COPS4: variants seen among roughly 807,000 people sequenced by gnomAD.
The protein encoded by COPS4 is COP9 signalosome subunit 4.
Under a neutral mutation model 55.1 loss-of-function variants are expected in COPS4, and 8 were observed. The ratio of observed to expected loss-of-function variants is 0.15; its 90% CI spans 0.09 to 0.26. COPS4 has a LOEUF of 0.26. Among genes scored for constraint, COPS4 ranks in the 10% least tolerant of loss-of-function variants. COPS4 has a pLI of 1.00. For synonymous variants in COPS4, 185 were observed against 165.7 expected, an observed-to-expected ratio of 1.12 and a Z score of -0.90; for missense variants, 248 against 484.0, an observed-to-expected ratio of 0.51 and a Z score of 4.58.
intron 4 of COPS4, 88 bp downstream of exon 4, chr4:83,050,072 A>G: frequency 1.3e-6 from 1 of 746,632 alleles, no homozygotes; most frequent in East Asian, 2.8e-5. Flanking sequence ...AGTACAGGAA[A>G]CAGATAAACA....
chr4:83,075,327 A>G lies in COPS4; in HGVS notation c.1118A>G (p.Gln373Arg). 1 of 1,614,118 alleles carries G rather than the reference A, an allele frequency of 6.2e-7. No individual in the cohort carries two copies. Among genetic ancestry groups the G allele is most frequent in the Non-Finnish European group, 8.5e-7 (1 of 1,180,014 alleles). ...GAAGCCCTGCCAACGTGGGATAAGC[A>G]GATCCAATCACTTTGTTTCCAAGTG... The part of the protein sequence containing the change: ...TREALPTWDK[Q>R]IQSLCFQVNN... The change falls in exon 10 of 10, where the codon CAG becomes CGG. Residue 373 changes from glutamine (Q) to arginine (R), a missense_variant. Around this residue, in one of 4 missense-constraint regions of COPS4, gnomAD observed 38 missense variants for 77.9 expected, o/e 0.49. Coordinates refer to ENST00000264389, the MANE Select transcript of COPS4 (RefSeq NM_016129.3).
At chr4:83,070,727 G>C (rs183127701) in intron 9 of COPS4, among the ~76,000 whole-genome samples, 1 of 151,996 alleles carries the variant, frequency 6.6e-6, no homozygotes, top group African/African-American at 2.4e-5. Flanking sequence ...CTCCTTTCTA[G>C]TTCAGTTCCC....
chr4:83,059,087 T>C (rs1397644816), intron 6 of COPS4, among the ~76,000 whole-genome samples: 1 of 152,220 alleles, frequency 6.6e-6, no homozygotes, highest in African/African-American at 2.4e-5. Flanking sequence ...ATTTCTTTAT[T>C]GAGTGAATTA....
intron 1 of COPS4, among the ~76,000 whole-genome samples, chr4:83,038,183 C>T (rs1215862978): frequency 2.6e-5 from 4 of 152,148 alleles, no homozygotes; most frequent in Non-Finnish European, 2.9e-5. Context: ...CTTTGTTGTC[C>T]CAAACACAAC....
At chr4:83,044,925 A>G (rs1730667614) in intron 1 of COPS4, among the ~76,000 whole-genome samples, 1 of 152,268 alleles carries the variant, frequency 6.6e-6, no homozygotes, top group African/African-American at 2.4e-5. Flanking sequence ...AGCAGAGAAC[A>G]AAACACAAGA....
chr4:83,041,105 C>T (rs1269567655), intron 1 of COPS4, among the ~76,000 whole-genome samples: 1 of 150,466 alleles, frequency 6.6e-6, no homozygotes, highest in Non-Finnish European at 1.5e-5. Context: ...CTCTGTCGCC[C>T]AGGCTGGAGT....
At chr4:83,043,226 CTTAGG>C (rs985667101) in intron 1 of COPS4, among the ~76,000 whole-genome samples, 2 of 151,788 alleles carry the variant, frequency 1.3e-5, no homozygotes, top group Non-Finnish European at 2.9e-5. Flanking sequence ...TGTGTTAAAA[CTTAGG>C]TTAGGCCAGG....
intron 7 of COPS4, among the ~76,000 whole-genome samples, chr4:83,063,457 T>G (rs1371277477): frequency 7.2e-6 from 1 of 138,378 alleles, no homozygotes; most frequent in African/African-American, 2.8e-5. Context: ...TGGAGTGCAG[T>G]GGCACAATGG....
At chr4:83,073,901 G>A (rs1578725290) in intron 9 of COPS4, among the ~76,000 whole-genome samples, 1 of 150,992 alleles carries the variant, frequency 6.6e-6, no homozygotes, top group Admixed American at 6.6e-5. Flanking sequence ...AGGTTGCAGT[G>A]AGCTGATATC....
intron 3 of COPS4, 136 bp downstream of exon 3, chr4:83,049,453 GA>G: frequency 2.9e-6 from 2 of 698,092 alleles, no homozygotes; most frequent in Non-Finnish European, 4.4e-6. Context: ...GACATTTTAT[GA>G]TGCAAAATCA....
chr4:83,073,282 A>G lies in COPS4; in HGVS notation c.1088-2015A>G, dbSNP rs1281226640. The stretch of plus-strand genomic sequence containing the variant: ...TAGTTCATATAAATGGAATCATACA[A>G]TATGTGACATGTGACCTTTTGGCTG... On this transcript the variant is annotated intron_variant, in intron 9 of 9. Transcript: ENST00000264389. 1.0e-5 allele frequency: 7 copies of G among 699,798 alleles called. No homozygotes were observed. In the African/African-American group the frequency reaches 1.0e-4, roughly 10 times the overall value. The allele number at this position is 699,798 out of a possible 1,614,324, so 43.3% of individuals were successfully genotyped here.
chr4:83,041,075 T>G (rs1217261581), intron 1 of COPS4, among the ~76,000 whole-genome samples: 10 of 151,032 alleles, frequency 6.6e-5, no homozygotes, highest in East Asian at 1.9e-4. Flanking sequence ...TTTGTTTTTT[T>G]TTTTTGAGAT....
chr4:83,065,913 G>A (rs1401857775), intron 7 of COPS4, among the ~76,000 whole-genome samples: 1 of 152,186 alleles, frequency 6.6e-6, no homozygotes, highest in Non-Finnish European at 1.5e-5. Flanking sequence ...GCAGCACATT[G>A]GGAGGCCCAG....
At chr4:83,062,718 C>A (rs1731192171) in intron 6 of COPS4, among the ~76,000 whole-genome samples, 1 of 152,144 alleles carries the variant, frequency 6.6e-6, no homozygotes, top group Admixed American at 6.5e-5. Flanking sequence ...TAGATAGCTT[C>A]ATTTAAGTAT....
intron 9 of COPS4, among the ~76,000 whole-genome samples, chr4:83,074,665 T>C (rs1731523229): frequency 6.6e-6 from 1 of 151,066 alleles, no homozygotes; most frequent in African/African-American, 2.4e-5. Flanking sequence ...TTTTTTTTAA[T>C]TCTTTAATCT....
At chr4:83,064,240 G>A (rs1156954995) in intron 7 of COPS4, among the ~76,000 whole-genome samples, 1 of 152,150 alleles carries the variant, frequency 6.6e-6, no homozygotes, top group East Asian at 1.9e-4. Flanking sequence ...GGGAGGCTGA[G>A]GTAGGAGGAT....
At chr4:83,070,988 C>T (rs977124345) in intron 9 of COPS4, among the ~76,000 whole-genome samples, 6 of 152,118 alleles carry the variant, frequency 3.9e-5, no homozygotes, top group Non-Finnish European at 7.3e-5. Flanking sequence ...GAAATATTTA[C>T]CCCTTTCCAG....
intron 7 of COPS4, chr4:83,065,159 A>C: frequency 1.8e-6 from 1 of 557,042 alleles, no homozygotes; most frequent in Non-Finnish European, 3.2e-6. Flanking sequence ...GATAGGGGTA[A>C]GCCACTGCAC....
At chr4:83,066,245 A>T (rs1008795288) in intron 7 of COPS4, among the ~76,000 whole-genome samples, 193 bp from the exon 8 acceptor site, 36 of 152,158 alleles carry the variant, frequency 2.4e-4, no homozygotes, top group African/African-American at 7.7e-4. Context: ...CCAATCACTC[A>T]TTTGCTAAAT....
Sources: gnomAD v4.1 joint callset for allele counts (sites outside exome capture counted in the v4.1 genomes callset) on GRCh38, gnomAD v4.1.1 for gene constraint, gnomAD v4.1.1 regional missense constraint, MANE v1.5 for transcripts, NCBI Gene and HGNC (gene_info 2026-07-23, HGNC 2026-07-21) for gene names.